PTPRT: variants seen among roughly 807,000 people sequenced by gnomAD.
PTPRT encodes protein tyrosine phosphatase receptor type T, also known as receptor-type tyrosine-protein phosphatase T.
Under a neutral mutation model 176.8 loss-of-function variants are expected in PTPRT, and 56 were observed. That is an observed-to-expected ratio of 0.32 (90% CI 0.26 to 0.40). PTPRT has a LOEUF of 0.40. Ranked by LOEUF, PTPRT falls within the 10% of genes least tolerant of loss-of-function variation. The probability of loss-of-function intolerance (pLI) is 1.00; values close to 1 mark genes in which losing one functional copy is unlikely to be tolerated. For missense variants in PTPRT, 1,540 were observed against 1,908.2 expected, an observed-to-expected ratio of 0.81 and a Z score of 3.60; for synonymous variants, 783 against 739.0, an observed-to-expected ratio of 1.06 and a Z score of -0.96.
chr20:43,180,742 C>T (rs1600776778), intron 1 of PTPRT, among the ~76,000 whole-genome samples: 1 of 152,196 alleles, frequency 6.6e-6, no homozygotes, highest in East Asian at 1.9e-4. Flanking sequence ...GAATTACAAG[C>T]GTGAGCCACC....
intron 1 of PTPRT, among the ~76,000 whole-genome samples, chr20:43,006,598 C>A (rs1416247842): frequency 6.6e-6 from 1 of 152,190 alleles, no homozygotes; most frequent in Non-Finnish European, 1.5e-5. Context: ...GTCTTTTCTC[C>A]TCAGTTGGCC....
intron 1 of PTPRT, among the ~76,000 whole-genome samples, chr20:43,003,725 C>T (rs1453922632): frequency 2.6e-5 from 4 of 152,216 alleles, no homozygotes; most frequent in Non-Finnish European, 4.4e-5. Flanking sequence ...TCTCAAGCCC[C>T]ACTCTGGACC....
intron 1 of PTPRT, among the ~76,000 whole-genome samples, chr20:43,071,193 T>A (rs1600691666): frequency 1.3e-5 from 2 of 152,180 alleles, no homozygotes; most frequent in Non-Finnish European, 2.9e-5. Flanking sequence ...TATCCCTGGC[T>A]GTCTTGCCTC....
intron 1 of PTPRT, among the ~76,000 whole-genome samples, chr20:43,166,011 G>C (rs1041175562): frequency 6.6e-6 from 1 of 151,630 alleles, no homozygotes; most frequent in Non-Finnish European, 1.5e-5. Flanking sequence ...CTAACATGGA[G>C]AAACGTCATC....
At chr20:42,178,909 A>G (rs1008252291) in intron 16 of PTPRT, among the ~76,000 whole-genome samples, 1 of 152,200 alleles carries the variant, frequency 6.6e-6, no homozygotes, top group Non-Finnish European at 1.5e-5. Context: ...AGGAACAGAC[A>G]AGTGGGAGTG....
intron 9 of PTPRT, among the ~76,000 whole-genome samples, chr20:42,416,543 T>G (rs2059067748): frequency 6.6e-6 from 1 of 152,200 alleles, no homozygotes; most frequent in African/African-American, 2.4e-5. Flanking sequence ...AAGGACCGAC[T>G]GGCCTTCTAT....
At chr20:42,472,141 A>T in intron 8 of PTPRT, 125 bp downstream of exon 8, 2 of 1,133,948 alleles carry the variant, frequency 1.8e-6, no homozygotes, top group Admixed American at 5.1e-5. Context: ...AAGGCCTAAG[A>T]AAAGAAAGGT....
chr20:42,698,778 G>A (rs968995442), intron 6 of PTPRT, among the ~76,000 whole-genome samples: 14 of 152,052 alleles, frequency 9.2e-5, no homozygotes, highest in Admixed American at 5.9e-4. Context: ...CCAACCGCCC[G>A]GGTCTTTGGG....
intron 6 of PTPRT, among the ~76,000 whole-genome samples, chr20:42,712,987 C>T (rs6030432): frequency 0.12 from 18,004 of 152,076 alleles, 1,450 homozygotes; most frequent in African/African-American, 0.22. Context: ...TGCAGAAATA[C>T]ATCCAAGATA....
chr20:42,383,695 A>G (rs1237289193), intron 9 of PTPRT, among the ~76,000 whole-genome samples: 5 of 152,192 alleles, frequency 3.3e-5, no homozygotes, highest in Non-Finnish European at 7.4e-5. Flanking sequence ...GGGGGAAAAT[A>G]CCACTATATC....
At chr20:43,100,763 G>T (rs550656693) in intron 1 of PTPRT, among the ~76,000 whole-genome samples, 1 of 152,302 alleles carries the variant, frequency 6.6e-6, no homozygotes, top group Admixed American at 6.5e-5. Context: ...AGCACTGGGG[G>T]ACACCCAGAC....
chr20:42,094,769 A>G (rs1233330665), intron 27 of PTPRT, among the ~76,000 whole-genome samples: 1 of 152,150 alleles, frequency 6.6e-6, no homozygotes, highest in Non-Finnish European at 1.5e-5. Flanking sequence ...TCACCCCTGT[A>G]ATCCCAGCTA....
At chr20:42,097,955 G>A (rs572521037) in intron 27 of PTPRT, among the ~76,000 whole-genome samples, 6 of 152,318 alleles carry the variant, frequency 3.9e-5, no homozygotes, top group African/African-American at 1.2e-4. Flanking sequence ...CTGGGGCTTG[G>A]TGGGGTGGTC....
chr20:43,015,897 C>G (rs781368920), intron 1 of PTPRT, among the ~76,000 whole-genome samples: 2 of 151,692 alleles, frequency 1.3e-5, no homozygotes, highest in Admixed American at 6.6e-5. Flanking sequence ...AGGATTATGC[C>G]CCAATCAGAA....
At chr20:42,967,235 G>A (rs532641967) in intron 1 of PTPRT, among the ~76,000 whole-genome samples, 13 of 152,296 alleles carry the variant, frequency 8.5e-5, no homozygotes, top group African/African-American at 2.6e-4. Flanking sequence ...TCTCTTGAAC[G>A]TGTGAATCTG....
At position 43,016,552 on chromosome 20, in the gene PTPRT, C is replaced by CTTTTTTTTTTTT. The variant is rs11482189; in HGVS notation, c.89-130632_89-130621dup. 3.1e-4 allele frequency among the ~76,000 whole-genome samples: 24 copies of CTTTTTTTTTTTT among 76,238 alleles called. 3 individuals carry two copies. Among genetic ancestry groups the CTTTTTTTTTTTT allele is most frequent in the African/African-American group, 1.6e-3 (23 of 14,286 alleles). 50.0% of individuals were successfully genotyped at this position (76,238 alleles called of 152,430 possible). On this transcript the variant is annotated intron_variant, in intron 1 of 30. Transcript: ENST00000373187. Reference sequence around the variant, plus strand: ...CATTTCTCTAACTGCTCTAAGGCCACTTTTTTTTTTTTTTTTTTTTTTTTT... The same window carrying CTTTTTTTTTTTT: ...CATTTCTCTAACTGCTCTAAGGCCACTTTTTTTTTTTTTTTTTTTTTTTTTTTTTTTTTTTTT...
At chr20:42,984,348 C>A (rs1247535224) in intron 1 of PTPRT, among the ~76,000 whole-genome samples, 2 of 152,164 alleles carry the variant, frequency 1.3e-5, no homozygotes, top group Non-Finnish European at 2.9e-5. Flanking sequence ...CCTGAACATG[C>A]CAGTTAAAAA....
At chr20:42,525,516 G>T (rs1482516517) in intron 7 of PTPRT, among the ~76,000 whole-genome samples, 1 of 151,946 alleles carries the variant, frequency 6.6e-6, no homozygotes, top group Admixed American at 6.6e-5. Flanking sequence ...TTGTCCCCTG[G>T]ATATTTCCCT....
chr20:42,979,889 C>G (rs1983170373), intron 1 of PTPRT, among the ~76,000 whole-genome samples: 1 of 146,072 alleles, frequency 6.8e-6, no homozygotes, highest in African/African-American at 2.5e-5. Flanking sequence ...CCCCAAATCT[C>G]AGCCAGAGAA....
Sources: allele counts gnomAD v4.1 joint callset (sites outside exome capture counted in the v4.1 genomes callset), GRCh38; gene constraint gnomAD v4.1.1; transcripts MANE v1.5; gene names NCBI Gene and HGNC (gene_info 2026-07-23, HGNC 2026-07-21).